Variants in ASB5 observed in about 807,000 individuals in gnomAD.
ASB5 encodes the protein ankyrin repeat and SOCS box protein 5.
In ASB5, 45 loss-of-function variants were observed where a neutral mutation model predicts 42.1. That is an observed-to-expected ratio of 1.07 (90% CI 0.84 to 1.37). ASB5 has a LOEUF of 1.37. Ranked by LOEUF, ASB5 falls within the 40% of genes most tolerant of loss-of-function variation. ASB5 has a pLI of 0.00. For synonymous variants in ASB5, 147 were observed against 150.6 expected, an observed-to-expected ratio of 0.98 and a Z score of 0.18; for missense variants, 402 against 399.8, an observed-to-expected ratio of 1.01 and a Z score of -0.05.
At chr4:176,253,194 C>T (rs1344934075) in intron 1 of ASB5, among the ~76,000 whole-genome samples, 1 of 152,118 alleles carries the variant, frequency 6.6e-6, no homozygotes, top group Non-Finnish European at 1.5e-5. Flanking sequence ...ATAATATATA[C>T]TGGAAAAACA....
At chr4:176,221,004 C>CT (rs1753188355) in intron 5 of ASB5, 151 bp downstream of exon 5, 3 of 1,043,626 alleles carry the variant, frequency 2.9e-6, no homozygotes, top group Non-Finnish European at 1.3e-6. Flanking sequence ...GAATGAGGTT[C>CT]TTTTTTATTG....
chr4:176,224,190 C>T lies in ASB5; in HGVS notation c.276+1072G>A, dbSNP rs143493297. On this transcript the variant is annotated intron_variant, in intron 2 of 6. Transcript: ENST00000296525. Reference sequence around the variant, plus strand: ...TCTCCTTGAGACTGGGAAACAGTAGCGCATGACTTCCAGATCTGGATGTGC... The same window carrying T: ...TCTCCTTGAGACTGGGAAACAGTAGTGCATGACTTCCAGATCTGGATGTGC... Among the ~76,000 whole-genome samples the T allele has an allele frequency of 5.5e-4, 82 of 148,170 alleles. 1 individual carries two copies. The highest frequency in any genetic ancestry group is 1.5e-3 in the South Asian group (7 of 4,594).
At chr4:176,263,586 G>A (rs1180353545) in intron 1 of ASB5, among the ~76,000 whole-genome samples, 2 of 151,998 alleles carry the variant, frequency 1.3e-5, no homozygotes, top group Non-Finnish European at 2.9e-5. Context: ...ATTCTTCTGT[G>A]GAGTTGTTCC....
intron 1 of ASB5, among the ~76,000 whole-genome samples, chr4:176,228,491 A>G (rs1331604360): frequency 5.3e-5 from 8 of 152,234 alleles, no homozygotes. Context: ...ACTAATGTAT[A>G]CTTTCTCTCT....
chr4:176,262,530 T>C lies in ASB5; in HGVS notation c.196+6383A>G, dbSNP rs1754283932. On this transcript the variant is annotated intron_variant, in intron 1 of 6. Coordinates refer to ENST00000296525, the MANE Select transcript of ASB5 (RefSeq NM_080874.4). ...TGGCTTCTGTGTAACTGGCATATCC[T>C]AGGCAGAACCATTCTTAGCTCTACA... Among the ~76,000 whole-genome samples, 3 of 152,224 alleles carry C rather than the reference T, an allele frequency of 2.0e-5. No homozygotes were observed. In the South Asian group the frequency reaches 6.2e-4, roughly 32 times the overall value.
At chr4:176,268,453 T>C (rs2126980357) in intron 1 of ASB5, among the ~76,000 whole-genome samples, 1 of 152,286 alleles carries the variant, frequency 6.6e-6, no homozygotes, top group East Asian at 1.9e-4. Flanking sequence ...AGAAACCAAA[T>C]CTTGAAATCC....
At chr4:176,230,796 A>G (rs769967721) in intron 1 of ASB5, among the ~76,000 whole-genome samples, 3 of 152,226 alleles carry the variant, frequency 2.0e-5, no homozygotes, top group Non-Finnish European at 2.9e-5. Context: ...AGATATAAAT[A>G]TCTTTATGTG....
chr4:176,219,474 TG>T (rs1753118586), intron 5 of ASB5, among the ~76,000 whole-genome samples: 1 of 78,512 alleles, frequency 1.3e-5, no homozygotes, highest in African/African-American at 4.5e-5. Flanking sequence ...TATATTTGTA[TG>T]ATATATAAAT....
At chr4:176,218,529 T>C (rs185773117) in intron 5 of ASB5, among the ~76,000 whole-genome samples, 3,353 of 98,410 alleles carry the variant, frequency 0.034, 14 homozygotes, top group Admixed American at 0.042. Flanking sequence ...TTGTATGATA[T>C]ATAAATATAT....
Position 176,269,039 on chromosome 4 carries a change from G to A in ASB5, c.70C>T (p.Leu24=). The A allele has an allele frequency of 1.2e-6, 2 of 1,613,580 alleles. No individual in the cohort carries two copies. Among genetic ancestry groups the A allele is most frequent in the Non-Finnish European group, 1.7e-6 (2 of 1,179,690 alleles). The part of the protein sequence containing the change: ...LSNVYFTILS[L]FCFKLFVKIS... ...TTCACAAAAAGCTTAAAACAGAACA[G>A]CGAAAGTATTGTAAAGTAGACATTG... Residue 24 remains leucine (L), a synonymous_variant, in exon 1 of 7, where the codon CTG becomes TTG. Coordinates refer to ENST00000296525, the MANE Select transcript of ASB5 (RefSeq NM_080874.4).
Position 176,218,706 on chromosome 4 carries a change from TATTTGTATGATATATAC to T in ASB5, c.671-1714_671-1698del, listed in dbSNP as rs1267915644. Among the ~76,000 whole-genome samples, 64 of 28,410 alleles carry T rather than the reference TATTTGTATGATATATAC, an allele frequency of 2.3e-3. 7 individuals carry two copies. The highest frequency in any genetic ancestry group is 4.0e-3 in the Admixed American group (6 of 1,500). 18.6% of individuals were successfully genotyped at this position (28,410 alleles called of 152,430 possible). A position where few individuals can be genotyped will look rare whatever the true frequency, so the allele number is the denominator to read the frequency against. On this transcript the variant is annotated intron_variant, in intron 5 of 6. Coordinates refer to ENST00000296525, the MANE Select transcript of ASB5 (RefSeq NM_080874.4). ...TTTGTATGATATATAAATATATATA[TATTTGTATGATATATAC>T]ATTTGTATGATATATAAATATATAT...
chr4:176,261,846 A>G (rs148256309), intron 1 of ASB5, among the ~76,000 whole-genome samples: 2 of 152,124 alleles, frequency 1.3e-5, no homozygotes, highest in East Asian at 1.9e-4. Flanking sequence ...TTTTACTCAT[A>G]TATCACACAT....
intron 1 of ASB5, among the ~76,000 whole-genome samples, chr4:176,255,491 A>T (rs1754137317): frequency 6.6e-6 from 1 of 152,270 alleles, no homozygotes; most frequent in Admixed American, 6.5e-5. Flanking sequence ...TTGGATAAAG[A>T]GTATATGGTA....
In ASB5 at chr4:176,215,648, T is replaced by C. The variant is rs772276485; in HGVS notation, c.942A>G (p.Pro314=). Residue 314 remains proline, a synonymous_variant, in exon 7 of 7, where the codon CCA becomes CCG. Coordinates refer to ENST00000296525, the MANE Select transcript of ASB5 (RefSeq NM_080874.4). ...TCAGTAACGTTGGCAGCTGGAGTTGTGGGATAAGGTGCAATCTTGGTTTTC... is the reference window on the plus strand; with the variant it reads ...TCAGTAACGTTGGCAGCTGGAGTTGCGGGATAAGGTGCAATCTTGGTTTTC... The part of the protein sequence containing the change: ...YIGKPRLHLI[P]QLQLPTLLKN... The C allele has an allele frequency of 2.5e-6, 4 of 1,613,266 alleles. No individual in the cohort carries two copies. The Admixed American group carries it at 5.0e-5, about 20-fold the overall frequency.
intron 5 of ASB5, among the ~76,000 whole-genome samples, chr4:176,218,439 AATATATATATTTGTATGATATATAAAT>A (rs1561250170): frequency 2.7e-4 from 21 of 76,602 alleles, no homozygotes; most frequent in Admixed American, 2.2e-3. Context: ...ATGATATATA[AATATATATATTTGTATGATATATAAAT>A]ATATATATAT....
chr4:176,253,071 C>T (rs1465267270), intron 1 of ASB5, among the ~76,000 whole-genome samples: 3 of 152,142 alleles, frequency 2.0e-5, no homozygotes, highest in African/African-American at 4.8e-5. Context: ...TGACTATACA[C>T]ATGTACTAAG....
At chr4:176,242,210 A>G (rs1284210509) in intron 1 of ASB5, among the ~76,000 whole-genome samples, 1 of 152,178 alleles carries the variant, frequency 6.6e-6, no homozygotes, top group African/African-American at 2.4e-5. Flanking sequence ...AACAGATCCA[A>G]CATAACCAAG....
intron 1 of ASB5, among the ~76,000 whole-genome samples, chr4:176,276,881 G>A (rs1351009182): frequency 6.6e-6 from 1 of 152,202 alleles, no homozygotes; most frequent in African/African-American, 2.4e-5. Flanking sequence ...CTCGACATTT[G>A]CTCTGATGAG....
At chr4:176,216,757 T>C in intron 6 of ASB5, 61 bp downstream of exon 6, 1 of 1,385,546 alleles carries the variant, frequency 7.2e-7, no homozygotes, top group Non-Finnish European at 9.7e-7. Flanking sequence ...ACTCTCTCAC[T>C]TTCATCTATT....
Sources: gnomAD v4.1 joint callset for allele counts (sites outside exome capture counted in the v4.1 genomes callset) on GRCh38, gnomAD v4.1.1 for gene constraint, MANE v1.5 for transcripts, NCBI Gene and HGNC (gene_info 2026-07-23, HGNC 2026-07-21) for gene names.